Variants in TRPV2 observed in about 807,000 individuals in gnomAD.
TRPV2 encodes the protein OTRPC2.
TRPV2 carries 58 observed loss-of-function variants against 91.0 expected under a neutral mutation model. That is an observed-to-expected ratio of 0.64 (90% CI 0.52 to 0.79). The LOEUF is 0.79. Among genes scored for constraint, TRPV2 ranks in the 30% least tolerant of loss-of-function variants. TRPV2 has a pLI of 0.00. For missense variants in TRPV2, 807 were observed against 969.6 expected, an observed-to-expected ratio of 0.83 and a Z score of 2.23; for synonymous variants, 417 against 414.8, an observed-to-expected ratio of 1.01 and a Z score of -0.06.
rs368371468 is a variant in TRPV2 at position 16,427,457 on chromosome 17, C to T, written c.1260C>T (p.Ala420=). The part of the protein sequence containing the change: ...YHQPTLKKQA[A]PHLKAEVGNS... ...TCTGAGTGTGTCTTCAGCAGGCCGC[C>T]CCTCACCTGAAAGCGGAGGTTGGAA... is the stretch of plus-strand genomic sequence containing the variant. Residue 420 remains alanine, a synonymous_variant, in exon 8 of 15, where the codon GCC becomes GCT. Coordinates refer to ENST00000338560, the MANE Select transcript of TRPV2 (RefSeq NM_016113.5). 1.2e-5 allele frequency: 19 copies of T among 1,613,694 alleles called. No homozygotes were observed. The highest frequency in any genetic ancestry group is 1.6e-4 in the Middle Eastern group (1 of 6,078).
intron 5 of TRPV2, 81 bp downstream of exon 5, chr17:16,423,848 G>A: frequency 7.0e-7 from 1 of 1,423,546 alleles, no homozygotes. Context: ...AAGAACCCAG[G>A]GGGTGGTGAA....
chr17:16,431,888 T>C, intron 11 of TRPV2, 38 bp downstream of exon 11: 1 of 1,613,548 alleles, frequency 6.2e-7, no homozygotes, highest in South Asian at 1.1e-5. Flanking sequence ...CTTCCCCACG[T>C]TCCTTGTCCA....
At chr17:16,424,237 A>G (rs184672035) in intron 5 of TRPV2, among the ~76,000 whole-genome samples, 1 of 150,878 alleles carries the variant, frequency 6.6e-6, no homozygotes, top group African/African-American at 2.4e-5. Flanking sequence ...GGCTCACTGC[A>G]ACCTCTGCCT....
In TRPV2 at chr17:16,432,237, C is replaced by A. The variant is rs756676638; in HGVS notation, c.1926C>A (p.Ile642=). The change falls in exon 12 of 15, where the codon ATC becomes ATA. Residue 642 remains isoleucine (I), a synonymous_variant. Coordinates refer to ENST00000338560, the MANE Select transcript of TRPV2 (RefSeq NM_016113.5). The stretch of plus-strand genomic sequence containing the variant: ...ACATCCTGCTGCTCAACATGCTCAT[C>A]GCCCTCATGAGCGAGACCGTCAACA... ...LTYILLLNML[I]ALMSETVNSV... 2 of 1,613,772 alleles carry A rather than the reference C, an allele frequency of 1.2e-6. No individual in the cohort carries two copies. The highest frequency in any genetic ancestry group is 1.7e-5 in the Admixed American group (1 of 60,004).
Position 16,426,044 on chromosome 17 carries a change from C to T in TRPV2, c.925-55C>T. The T allele has an allele frequency of 6.3e-7, 1 of 1,599,752 alleles. No homozygotes were observed. On this transcript the variant is annotated intron_variant, in intron 5 of 14. Transcript: ENST00000338560. The surrounding 1 kb of genome is among the most constrained non-coding windows in gnomAD (Gnocchi z 6.0). Reference sequence around the variant, plus strand: ...TCCTGGGTGTTTCCCAGCCTTGGCCCAGGATCAGTGCCAGGAAGGGACCAT... The same window carrying T: ...TCCTGGGTGTTTCCCAGCCTTGGCCTAGGATCAGTGCCAGGAAGGGACCAT...
Position 16,426,885 on chromosome 17 carries a change from C to A in TRPV2, c.1251+8C>A. 2 of 1,606,102 alleles carry A rather than the reference C, an allele frequency of 1.2e-6. No individual in the cohort carries two copies. Among genetic ancestry groups the A allele is most frequent in the Non-Finnish European group, 1.7e-6 (2 of 1,176,246 alleles). On this transcript the variant is annotated splice_region_variant and intron_variant, in intron 7 of 14. Transcript: ENST00000338560. This position sits in a 1 kb window ranked among gnomAD's most constrained non-coding sequence, Gnocchi z 6.0. ...CAGCCTACCCTGAAGAAGGCAAGGG[C>A]GTGAGGTTTGGGGGGGCACATCTTG...
At chr17:16,423,161 G>A (rs1260786063) in intron 4 of TRPV2, among the ~76,000 whole-genome samples, 1 of 152,234 alleles carries the variant, frequency 6.6e-6, no homozygotes, top group South Asian at 2.1e-4. Flanking sequence ...TGTCATAAGA[G>A]ATGTTTCATC....
Position 16,431,284 on chromosome 17 carries a change from T to C in TRPV2, c.1588-500T>C, listed in dbSNP as rs868047973. Among the ~76,000 whole-genome samples, 171 of 46,498 alleles carry C rather than the reference T, an allele frequency of 3.7e-3. 5 individuals are homozygous for C. Among genetic ancestry groups the C allele is most frequent in the African/African-American group, 0.012 (149 of 11,938 alleles). 30.5% of individuals were successfully genotyped at this position (46,498 alleles called of 152,430 possible). On this transcript the variant is annotated intron_variant, in intron 10 of 14. Coordinates refer to ENST00000338560, the MANE Select transcript of TRPV2 (RefSeq NM_016113.5). Reference sequence around the variant, plus strand: ...ATATATATATATATATATATATATATATACATATTTTTTTTTTTTTTTTTT... The same window carrying C: ...ATATATATATATATATATATATATACATACATATTTTTTTTTTTTTTTTTT...
chr17:16,432,451 TTTTTC>T, intron 12 of TRPV2, 151 bp downstream of exon 12: 1 of 714,528 alleles, frequency 1.4e-6, no homozygotes, highest in Non-Finnish European at 2.2e-6. Flanking sequence ...TTTTTTTTTT[TTTTTC>T]TGGAGACAAG....
At chr17:16,418,004 T>A in intron 2 of TRPV2, 136 bp downstream of exon 2, 3 of 881,644 alleles carry the variant, frequency 3.4e-6, no homozygotes, top group Non-Finnish European at 5.2e-6. Context: ...CTGGCCCTGG[T>A]GGCTCCTGGG....
At chr17:16,417,089 C>A (rs1199530087) in intron 1 of TRPV2, among the ~76,000 whole-genome samples, 1 of 152,090 alleles carries the variant, frequency 6.6e-6, no homozygotes, top group African/African-American at 2.4e-5. Context: ...CTATTGGTTC[C>A]CTGTTCCTCA....
chr17:16,433,603 T>G lies in TRPV2; in HGVS notation c.2019T>G (p.Asn673Lys), dbSNP rs1355321009. The G allele has an allele frequency of 3.7e-6, 6 of 1,614,148 alleles. No homozygotes were observed. In the African/African-American group the frequency reaches 4.0e-5, roughly 11 times the overall value. ...CCATCTCTGTCCTGGAGATGGAGAA[T>G]GGCTATTGGTGGTGCAGGAAGAAGC... is the stretch of plus-strand genomic sequence containing the variant. ...QKAISVLEME[N>K]GYWWCRKKQR... The change falls in exon 13 of 15, where the codon AAT (asparagine) becomes AAG (lysine). Residue 673 changes from asparagine to lysine, a missense_variant. By Grantham distance (94) the Asn-to-Lys change is moderately conservative. Transcript: ENST00000338560.
chr17:16,431,289 ATATT>A (rs1568919151), intron 10 of TRPV2, among the ~76,000 whole-genome samples: 40 of 16,104 alleles, frequency 2.5e-3, no homozygotes, highest in African/African-American at 7.3e-3. Flanking sequence ...ATATATATAC[ATATT>A]TTTTTTTTTT....
chr17:16,428,592 C>T lies in TRPV2; in HGVS notation c.1421+205C>T, dbSNP rs537655122. On this transcript the variant is annotated intron_variant, in intron 9 of 14. Transcript: ENST00000338560. Reference sequence around the variant, plus strand: ...CCATCACTGTAGATGGTGATAGTGACATTTACTAGGCCTCGGCACATACCT... The same window carrying T: ...CCATCACTGTAGATGGTGATAGTGATATTTACTAGGCCTCGGCACATACCT... 4.2e-5 allele frequency: 30 copies of T among 708,914 alleles called. No individual in the cohort carries two copies. In the South Asian group the frequency reaches 5.2e-4, roughly 12 times the overall value. The allele number at this position is 708,914 out of a possible 1,614,324, so 43.9% of individuals were successfully genotyped here. A position where few individuals can be genotyped will look rare whatever the true frequency, so the allele number is the denominator to read the frequency against.
At chr17:16,419,197 C>T in intron 2 of TRPV2, 4 of 392,756 alleles carry the variant, frequency 1.0e-5, no homozygotes, top group South Asian at 3.8e-5. Context: ...GTACCAGAAG[C>T]CCCAGAGGCA....
rs769369591 is a variant in TRPV2 at position 16,431,768 on chromosome 17, G to C, written c.1588-16G>C. 6.2e-7 allele frequency: 1 copy of C among 1,614,000 alleles called. No homozygotes were observed. Among genetic ancestry groups the C allele is most frequent in the South Asian group, 1.1e-5 (1 of 91,086 alleles). Reference sequence around the variant, plus strand: ...GCCCAGCTACCCACCCTGGCCCCTGGGCACATGTGTTCCAGGTCATCCTGC... The same window carrying C: ...GCCCAGCTACCCACCCTGGCCCCTGCGCACATGTGTTCCAGGTCATCCTGC... On this transcript the variant is annotated splice_polypyrimidine_tract_variant and intron_variant, in intron 10 of 14. Transcript: ENST00000338560.
intron 3 of TRPV2, 107 bp from the exon 4 acceptor site, chr17:16,422,492 A>T: frequency 1.7e-6 from 2 of 1,154,652 alleles, no homozygotes. Flanking sequence ...CATCTCTTTT[A>T]ATCCTCCCAA....
intron 10 of TRPV2, among the ~76,000 whole-genome samples, chr17:16,429,808 G>A (rs1363846943): frequency 6.6e-6 from 1 of 151,764 alleles, no homozygotes; most frequent in African/African-American, 2.4e-5. Flanking sequence ...GGAGGGATTT[G>A]GAGGTCCCCA....
chr17:16,425,472 C>A (rs1271036339), intron 5 of TRPV2, among the ~76,000 whole-genome samples: 1 of 152,232 alleles, frequency 6.6e-6, no homozygotes, highest in African/African-American at 2.4e-5. Context: ...CCAGGGCTGG[C>A]CTCATGGGCT....
Sources: allele counts gnomAD v4.1 joint callset (sites outside exome capture counted in the v4.1 genomes callset), GRCh38; gene constraint gnomAD v4.1.1; non-coding constraint Gnocchi (gnomAD v3.1); transcripts MANE v1.5; gene names NCBI Gene and HGNC (gene_info 2026-07-23, HGNC 2026-07-21).